The following AKAP13 variants were observed in gnomAD, a reference collection of about 807,000 sequenced individuals.
AKAP13 encodes the protein A-kinase anchoring protein 13.
In AKAP13, 80 loss-of-function variants were observed where a neutral mutation model predicts 264.5. The observed-to-expected ratio is 0.30, with a 90% CI of 0.25 to 0.36. The LOEUF is 0.36. Ranked by LOEUF, AKAP13 falls within the 10% of genes least tolerant of loss-of-function variation. The probability of loss-of-function intolerance (pLI) is 1.00; values close to 1 mark genes in which losing one functional copy is unlikely to be tolerated. For missense variants in AKAP13, 3,712 were observed against 3,435.2 expected (o/e 1.08, Z -2.01); for synonymous variants, 1,380 against 1,250.2 (o/e 1.10, Z -2.19).
chr15:85,620,311 T>C, intron 8 of AKAP13: 4 of 758,340 alleles, frequency 5.3e-6, no homozygotes, highest in Non-Finnish European at 8.5e-6. Context: ...GAGGGGTGAA[T>C]GTAAGCCTCT....
intron 12 of AKAP13, chr15:85,662,259 T>A: frequency 2.4e-6 from 2 of 843,688 alleles, no homozygotes; most frequent in Non-Finnish European, 3.9e-6. Flanking sequence ...GTTACATTCC[T>A]AAATTTTTTG....
intron 9 of AKAP13, among the ~76,000 whole-genome samples, chr15:85,644,930 A>C (rs2082485914): frequency 6.6e-6 from 1 of 152,170 alleles, no homozygotes; most frequent in East Asian, 1.9e-4. Flanking sequence ...TACAAAGTTA[A>C]TAGCCTGGGC....
intron 14 of AKAP13, among the ~76,000 whole-genome samples, chr15:85,677,498 C>G (rs907045483): frequency 1.3e-5 from 2 of 152,140 alleles, no homozygotes; most frequent in African/African-American, 4.8e-5. Flanking sequence ...GGACAGATAT[C>G]TAGATGTTCA....
At chr15:85,448,848 CTT>C (rs368790274) in intron 1 of AKAP13, among the ~76,000 whole-genome samples, 6 of 129,604 alleles carry the variant, frequency 4.6e-5, no homozygotes, top group Non-Finnish European at 8.4e-5. Flanking sequence ...GCTATTCAGG[CTT>C]TTTTTTTTTT....
At position 85,530,859 on chromosome 15, in the gene AKAP13, A is replaced by G. The variant is rs140647629; in HGVS notation, c.182-2725A>G. ...GTGTTTTGGGTGATAATAATAAAGA[A>G]TTTAGGAGGCCCCTTCTAGATTTTA... On this transcript the variant is annotated intron_variant, in intron 3 of 36. Transcript: ENST00000394518. Among the ~76,000 whole-genome samples the G allele has an allele frequency of 5.4e-4, 82 of 152,256 alleles. 1 individual carries two copies. In the Middle Eastern group the frequency reaches 0.017, roughly 32 times the overall value.
chr15:85,608,625 A>G (rs2080461032), intron 8 of AKAP13, among the ~76,000 whole-genome samples: 1 of 152,202 alleles, frequency 6.6e-6, no homozygotes, highest in African/African-American at 2.4e-5. Context: ...CTGAATTGGG[A>G]AAGTAGAATT....
In AKAP13 at chr15:85,554,072, A is replaced by G. The variant is rs117681641; in HGVS notation, c.662+10117A>G. ...CTTACATAGTACTCTTTATTTTAAT[A>G]GTATTTCTTGTATTGGTGGTGCTGC... On this transcript the variant is annotated intron_variant, in intron 5 of 36. Coordinates refer to ENST00000394518, the MANE Select transcript of AKAP13 (RefSeq NM_007200.5). Among the ~76,000 whole-genome samples the G allele has an allele frequency of 7.2e-3, 1,094 of 152,240 alleles. 7 individuals carry two copies. Among genetic ancestry groups the G allele is most frequent in the Middle Eastern group, 0.017 (5 of 294 alleles).
intron 19 of AKAP13, among the ~76,000 whole-genome samples, chr15:85,713,552 T>A (rs1025952760): frequency 7.3e-6 from 1 of 136,604 alleles, no homozygotes; most frequent in Admixed American, 7.3e-5. Context: ...ACCCACTTGC[T>A]CTTTTTCTCT....
At chr15:85,436,439 A>C (rs1445427976) in intron 1 of AKAP13, among the ~76,000 whole-genome samples, 1 of 141,504 alleles carries the variant, frequency 7.1e-6, no homozygotes, top group East Asian at 2.1e-4. Flanking sequence ...ATACCCAGGA[A>C]TTGAACTCAG....
intron 17 of AKAP13, among the ~76,000 whole-genome samples, chr15:85,706,740 G>T (rs1056296240): frequency 1.3e-5 from 2 of 152,228 alleles, no homozygotes; most frequent in Non-Finnish European, 2.9e-5. Context: ...TTAATTTGAA[G>T]ATTCAGCAGT....
intron 1 of AKAP13, among the ~76,000 whole-genome samples, chr15:85,478,335 T>C (rs1415745724): frequency 7.6e-6 from 1 of 131,144 alleles, no homozygotes; most frequent in Non-Finnish European, 1.7e-5. Context: ...TATAGTGTAC[T>C]CTCCTACACA....
At chr15:85,382,556 A>G (rs1417492898) in intron 1 of AKAP13, among the ~76,000 whole-genome samples, 1 of 152,228 alleles carries the variant, frequency 6.6e-6, no homozygotes, top group Non-Finnish European at 1.5e-5. Flanking sequence ...AATGTAAGCA[A>G]GTACTACTTA....
chr15:85,421,293 A>T (rs1207904755), intron 1 of AKAP13, among the ~76,000 whole-genome samples: 1 of 152,258 alleles, frequency 6.6e-6, no homozygotes, highest in Non-Finnish European at 1.5e-5. Context: ...ATGGAAGCTT[A>T]TCTGCACATT....
At chr15:85,678,313 A>G (rs1329345222) in intron 14 of AKAP13, among the ~76,000 whole-genome samples, 2 of 152,224 alleles carry the variant, frequency 1.3e-5, no homozygotes, top group East Asian at 3.8e-4. Context: ...TCTAAGTTTC[A>G]GCAATATTAA....
intron 1 of AKAP13, among the ~76,000 whole-genome samples, chr15:85,439,894 G>A (rs1053490779): frequency 1.3e-5 from 2 of 150,190 alleles, no homozygotes; most frequent in East Asian, 2.0e-4. Flanking sequence ...TGGGTGCAGC[G>A]CACGAGCATG....
chr15:85,498,229 A>T (rs559254377), intron 2 of AKAP13, among the ~76,000 whole-genome samples: 4 of 116,140 alleles, frequency 3.4e-5, no homozygotes, highest in African/African-American at 1.4e-4. Context: ...TATATATATC[A>T]CATTGAGCGA....
At chr15:85,638,662 T>A (rs1429299824) in intron 8 of AKAP13, among the ~76,000 whole-genome samples, 1 of 152,172 alleles carries the variant, frequency 6.6e-6, no homozygotes, top group Non-Finnish European at 1.5e-5. Context: ...AAATTTTTTT[T>A]AATTTGTGGG....
chr15:85,385,933 C>G (rs921971203), intron 1 of AKAP13, among the ~76,000 whole-genome samples: 1 of 152,164 alleles, frequency 6.6e-6, no homozygotes, highest in Non-Finnish European at 1.5e-5. Context: ...TCAAGTGATT[C>G]TCCTGCCTTA....
intron 8 of AKAP13, among the ~76,000 whole-genome samples, chr15:85,611,116 G>A (rs1182155372): frequency 6.6e-6 from 1 of 152,086 alleles, no homozygotes; most frequent in Non-Finnish European, 1.5e-5. Context: ...AGCAAAATCC[G>A]GATCTTGTAT....
Sources: gnomAD v4.1 joint callset for allele counts (sites outside exome capture counted in the v4.1 genomes callset) on GRCh38, gnomAD v4.1.1 for gene constraint, MANE v1.5 for transcripts, NCBI Gene and HGNC (gene_info 2026-07-23, HGNC 2026-07-21) for gene names.